The following ZNF718 variants were observed in gnomAD, a reference collection of about 807,000 sequenced individuals.
The protein encoded by ZNF718 is zinc finger protein 718.
In ZNF718, 3 loss-of-function variants were observed where a neutral mutation model predicts 2.6. The ratio of observed to expected loss-of-function variants is 1.16; its 90% CI spans 0.53 to 3.01. The LOEUF is 3.01. Ranked by LOEUF, ZNF718 falls within the 30% of genes most tolerant of loss-of-function variation. The pLI is 0.03. For synonymous variants in ZNF718, 135 were observed against 77.9 expected (o/e 1.73, Z -3.86); for missense variants, 468 against 230.0 (o/e 2.03, Z -6.69).
At chr4:157,762 A>G (rs1350901191) in intron 3 of ZNF718, among the ~76,000 whole-genome samples, 3 of 152,256 alleles carry the variant, frequency 2.0e-5, no homozygotes, top group South Asian at 2.1e-4. Flanking sequence ...CCGGTGGTTT[A>G]TCAAGAAGAC....
chr4:127,159 G>A (rs1715259747), intron 1 of ZNF718, among the ~76,000 whole-genome samples: 2 of 38,522 alleles, frequency 5.2e-5, no homozygotes, highest in African/African-American at 1.6e-4. Context: ...TCCATGCACT[G>A]TTTAGAAGTA....
intron 3 of ZNF718, among the ~76,000 whole-genome samples, chr4:135,971 G>T (rs1381540215): frequency 5.3e-5 from 8 of 151,856 alleles, no homozygotes; most frequent in Non-Finnish European, 1.0e-4. Flanking sequence ...TATAATTTCT[G>T]TAACTATAAC....
At chr4:141,478 T>C (rs1715809125) in intron 3 of ZNF718, among the ~76,000 whole-genome samples, 1 of 152,208 alleles carries the variant, frequency 6.6e-6, no homozygotes, top group Admixed American at 6.5e-5. Context: ...TGAAGCTGGA[T>C]ATAATGTAAA....
chr4:148,221 A>G (rs576046314), intron 3 of ZNF718, among the ~76,000 whole-genome samples: 4 of 152,266 alleles, frequency 2.6e-5, no homozygotes, highest in East Asian at 3.9e-4. Context: ...CAGCATGCCT[A>G]TAGGTGTGCT....
intron 3 of ZNF718, among the ~76,000 whole-genome samples, chr4:188,673 C>CT (rs1221017693): frequency 6.6e-6 from 1 of 152,196 alleles, no homozygotes; most frequent in Non-Finnish European, 1.5e-5. Context: ...CCACACAACT[C>CT]TGTGTGTCAG....
At chr4:138,690 T>C (rs1420989192) in intron 3 of ZNF718, among the ~76,000 whole-genome samples, 1 of 152,198 alleles carries the variant, frequency 6.6e-6, no homozygotes, top group Non-Finnish European at 1.5e-5. Context: ...TTTTCATTTT[T>C]TGAGGAACCT....
chr4:200,003 T>C lies in ZNF718; in HGVS notation c.227-1078T>C, dbSNP rs569183718. ...AATTAGTGAGAAAACAATGGAAAAATTGTATTTCTTTTTGCAAAATCTGTT... is the reference window on the plus strand; with the variant it reads ...AATTAGTGAGAAAACAATGGAAAAACTGTATTTCTTTTTGCAAAATCTGTT... On this transcript the variant is annotated intron_variant and NMD_transcript_variant, in intron 3 of 4. Coordinates refer to the ZNF718 transcript ENST00000642529. 1.4e-4 allele frequency among the ~76,000 whole-genome samples: 22 copies of C among 152,280 alleles called. No individual in the cohort carries two copies. The South Asian group carries it at 4.1e-3, about 29-fold the overall frequency.
rs1716949256 is a variant in ZNF718 at position 162,689 on chromosome 4, GCAGTT to G, written c.*568_*572del. On this transcript the variant is annotated 3_prime_UTR_variant, in exon 4 of 4. Transcript: ENST00000510175. ...TTTCATACTAGAAGAAAACCCTGAA[GCAGTT>G]GCCCAAACTTTCTTTGACATTAGAG... The G allele has an allele frequency of 6.6e-6, 1 of 152,148 alleles. No individual in the cohort carries two copies. Among genetic ancestry groups the G allele is most frequent in the Admixed American group, 6.5e-5 (1 of 15,276 alleles). The allele number at this position is 152,148 out of a possible 1,614,324, so 9.4% of individuals were successfully genotyped here. A position where few individuals can be genotyped will look rare whatever the true frequency, so the allele number is the denominator to read the frequency against.
chr4:192,675 A>G (rs574146418), intron 3 of ZNF718, among the ~76,000 whole-genome samples: 64 of 152,274 alleles, frequency 4.2e-4, no homozygotes, highest in African/African-American at 1.4e-3. Context: ...GGTGCCTTCA[A>G]TGTCATCAAC....
chr4:130,298 A>C lies in ZNF718; in HGVS notation c.4-490A>C, dbSNP rs1715319066. ...TTTTGTTACTTACAGTGAGGCTTTG[A>C]ATACCAAATAATTTATATGCATTTT... is the stretch of plus-strand genomic sequence containing the variant. On this transcript the variant is annotated intron_variant, in intron 1 of 3. Transcript: ENST00000510175. Among the ~76,000 whole-genome samples, 2 of 103,862 alleles carry C rather than the reference A, an allele frequency of 1.9e-5. 1 individual carries two copies. Among genetic ancestry groups the C allele is most frequent in the Non-Finnish European group, 4.3e-5 (2 of 46,658 alleles). 68.1% of individuals were successfully genotyped at this position (103,862 alleles called of 152,430 possible). A position where few individuals can be genotyped will look rare whatever the true frequency, so the allele number is the denominator to read the frequency against.
At chr4:201,394 G>A (rs527901210) in intron 4 of ZNF718, 141 of 152,430 alleles carry the variant, frequency 9.3e-4, no homozygotes, top group African/African-American at 3.3e-3. Context: ...GGGGTGGTTA[G>A]GTAGGAAATG....
At chr4:125,112 C>G (rs1715141946) in intron 1 of ZNF718, 1 of 160,714 alleles carries the variant, frequency 6.2e-6, no homozygotes, top group African/African-American at 2.4e-5. Context: ...GCCAGCGGGT[C>G]TTGAAGGAAA....
intron 3 of ZNF718, among the ~76,000 whole-genome samples, chr4:137,547 A>G (rs1553809526): frequency 1.3e-5 from 2 of 152,184 alleles, no homozygotes; most frequent in East Asian, 1.9e-4. Context: ...GGCCATTCCA[A>G]TTAATACACG....
intron 3 of ZNF718, among the ~76,000 whole-genome samples, chr4:134,982 G>T (rs1199817825): frequency 6.6e-6 from 1 of 152,060 alleles, no homozygotes; most frequent in Non-Finnish European, 1.5e-5. Context: ...AGTGGCTCAC[G>T]ACCGTAATCC....
intron 3 of ZNF718, among the ~76,000 whole-genome samples, chr4:134,662 A>G (rs1715480416): frequency 6.6e-6 from 1 of 152,136 alleles, no homozygotes; most frequent in Non-Finnish European, 1.5e-5. Context: ...GTGTATACAT[A>G]TTTAATCTCA....
chr4:140,873 A>G (rs1001608724), intron 3 of ZNF718, among the ~76,000 whole-genome samples: 1 of 152,252 alleles, frequency 6.6e-6, no homozygotes, highest in East Asian at 1.9e-4. Flanking sequence ...TTACTAAACA[A>G]GCTAGCTTTA....
rs572435470 is a variant in ZNF718 at position 126,143 on chromosome 4, T to C, written c.3+1470T>C. ...TTTTCCTTCCCCACAAATCCTCTTTTCTGTGCATACAGTGTGCCCAAGTTC... is the reference window on the plus strand; with the variant it reads ...TTTTCCTTCCCCACAAATCCTCTTTCCTGTGCATACAGTGTGCCCAAGTTC... On this transcript the variant is annotated intron_variant, in intron 1 of 3. Transcript: ENST00000510175. Among the ~76,000 whole-genome samples the C allele has an allele frequency of 2.6e-5, 4 of 152,350 alleles. No homozygotes were observed. The South Asian group carries it at 8.3e-4, about 32-fold the overall frequency.
At position 161,645 on chromosome 4, in the gene ZNF718, T is replaced by G; in HGVS notation, c.960T>G (p.Phe320Leu). 1.3e-6 allele frequency: 1 copy of G among 780,006 alleles called. No homozygotes were observed. Among genetic ancestry groups the G allele is most frequent in the Non-Finnish European group, 2.4e-6 (1 of 417,506 alleles). The allele number at this position is 780,006 out of a possible 1,614,324, so 48.3% of individuals were successfully genotyped here. The stretch of plus-strand genomic sequence containing the variant: ...CATGCGAAGAATGTGGCAATGTCTT[T>G]ACCACATCCTCAGACTTTGCTAAAC... ...PFSCEECGNV[F>L]TTSSDFAKHK... The change falls in exon 4 of 4, where the codon TTT (phenylalanine) becomes TTG (leucine). Residue 320 changes from phenylalanine to leucine, a missense_variant. By Grantham distance (22) the Phe-to-Leu change is conservative (BLOSUM62 0). Coordinates refer to ENST00000510175, the MANE Select transcript of ZNF718 (RefSeq NM_001039127.6).
At chr4:135,472 G>T (rs1361192567) in intron 3 of ZNF718, among the ~76,000 whole-genome samples, 1 of 151,688 alleles carries the variant, frequency 6.6e-6, no homozygotes, top group African/African-American at 2.4e-5. Flanking sequence ...GTACATGAGA[G>T]ACAAACTGCT....
Sources: gnomAD v4.1 joint callset for allele counts (sites outside exome capture counted in the v4.1 genomes callset) on GRCh38, gnomAD v4.1.1 for gene constraint, MANE v1.5 for transcripts, NCBI Gene and HGNC (gene_info 2026-07-23, HGNC 2026-07-21) for gene names.